The following GLIS3 variants were observed in gnomAD, a reference collection of about 807,000 sequenced individuals.
GLIS3 encodes GLIS family zinc finger 3, also known as zinc finger protein GLIS3.
Under a neutral mutation model 78.6 loss-of-function variants are expected in GLIS3, and 53 were observed. The observed-to-expected ratio is 0.67, with a 90% CI of 0.54 to 0.85. The LOEUF is 0.85. Ranked by LOEUF, GLIS3 falls within the 40% of genes least tolerant of loss-of-function variation. The probability of loss-of-function intolerance (pLI) is 0.00; values close to 1 mark genes in which losing one functional copy is unlikely to be tolerated. For synonymous variants in GLIS3, 684 were observed against 509.9 expected, an observed-to-expected ratio of 1.34 and a Z score of -4.60; for missense variants, 1,703 against 1,231.1, an observed-to-expected ratio of 1.38 and a Z score of -5.74.
At chr9:4,266,235 T>G (rs953171111) in intron 2 of GLIS3, among the ~76,000 whole-genome samples, 4 of 152,080 alleles carry the variant, frequency 2.6e-5, no homozygotes, top group Non-Finnish European at 5.9e-5. Flanking sequence ...ACCCTGCTTC[T>G]TAACTTTTTC....
At chr9:4,400,680 A>C in the GLIS3 span, among the ~76,000 whole-genome samples, 1 of 152,228 alleles carries the variant, frequency 6.6e-6, no homozygotes, top group Non-Finnish European at 1.5e-5. Context: ...GGAATGTTAA[A>C]TATACTCTTT....
At chr9:4,473,246 G>C in the GLIS3 span, among the ~76,000 whole-genome samples, 1 of 152,080 alleles carries the variant, frequency 6.6e-6, no homozygotes, top group Non-Finnish European at 1.5e-5. Context: ...GAAAGAATGA[G>C]ATCAGCCTGA....
chr9:4,156,664 A>G (rs1835061112), intron 2 of GLIS3, among the ~76,000 whole-genome samples: 1 of 152,188 alleles, frequency 6.6e-6, no homozygotes, highest in Non-Finnish European at 1.5e-5. Flanking sequence ...GTTTCACCCC[A>G]TTAAAATTTA....
chr9:4,366,368 G>A, the GLIS3 span, among the ~76,000 whole-genome samples: 2 of 152,170 alleles, frequency 1.3e-5, no homozygotes, highest in South Asian at 2.1e-4. Flanking sequence ...CCAAGGCAAC[G>A]AGTTAAAACG....
chr9:4,407,739 G>A, the GLIS3 span, among the ~76,000 whole-genome samples: 14 of 152,114 alleles, frequency 9.2e-5, no homozygotes, highest in South Asian at 2.1e-4. Context: ...CCCCGCAAGC[G>A]CAAACAAAGC....
At chr9:4,115,361 G>T (rs1831556626) in intron 4 of GLIS3, among the ~76,000 whole-genome samples, 2 of 152,166 alleles carry the variant, frequency 1.3e-5, no homozygotes, top group Non-Finnish European at 2.9e-5. Context: ...GAAGAATGTG[G>T]CCATTTTACT....
chr9:3,952,797 T>A (rs1816787109), intron 4 of GLIS3, among the ~76,000 whole-genome samples: 1 of 152,070 alleles, frequency 6.6e-6, no homozygotes. Flanking sequence ...TAAAGCAGAC[T>A]CTGATTTAGC....
chr9:4,197,516 C>T (rs967014378), intron 2 of GLIS3, among the ~76,000 whole-genome samples: 7 of 152,168 alleles, frequency 4.6e-5, no homozygotes, highest in African/African-American at 1.7e-4. Flanking sequence ...GGAGGTTTCC[C>T]AGCTCCATGC....
chr9:4,237,105 T>G (rs1197032440), intron 2 of GLIS3, among the ~76,000 whole-genome samples: 1 of 110,912 alleles, frequency 9.0e-6, no homozygotes, highest in Admixed American at 9.0e-5. Flanking sequence ...CACCAACATG[T>G]TCACTTCCTT....
At chr9:4,391,250 T>C in the GLIS3 span, among the ~76,000 whole-genome samples, 1 of 152,182 alleles carries the variant, frequency 6.6e-6, no homozygotes, top group African/African-American at 2.4e-5. Context: ...GGGGGGTACC[T>C]CACCTCCAGA....
At chr9:4,486,669 G>A in the GLIS3 span, among the ~76,000 whole-genome samples, 17 of 152,068 alleles carry the variant, frequency 1.1e-4, no homozygotes, top group Non-Finnish European at 1.8e-4. Context: ...ACCTTCAGGG[G>A]ACCAAGGGCC....
intron 2 of GLIS3, among the ~76,000 whole-genome samples, chr9:4,329,453 C>G (rs1045376158): frequency 1.3e-5 from 2 of 152,106 alleles, no homozygotes; most frequent in South Asian, 2.1e-4. Flanking sequence ...ATTTCAAATG[C>G]CTTTCATTTG....
chr9:3,827,408 TA>T lies in GLIS3; in HGVS notation c.*863del, dbSNP rs1445179354. 1 of 152,226 alleles carries T rather than the reference TA, an allele frequency of 6.6e-6. No homozygotes were observed. Among genetic ancestry groups the T allele is most frequent in the Non-Finnish European group, 1.5e-5 (1 of 68,074 alleles). The allele number at this position is 152,226 out of a possible 1,614,324, so 9.4% of individuals were successfully genotyped here. On this transcript the variant is annotated 3_prime_UTR_variant, in exon 11 of 11. Transcript: ENST00000381971. ...AACACAGTCTTTGAGGTGGAGTTAC[TA>T]AACAGTCAACTCAGGAAGGTTCCAG...
At chr9:4,479,071 T>G in the GLIS3 span, among the ~76,000 whole-genome samples, 2 of 152,174 alleles carry the variant, frequency 1.3e-5, no homozygotes, top group African/African-American at 4.8e-5. Flanking sequence ...ATATATATAT[T>G]TTTCAATGTT....
the GLIS3 span, among the ~76,000 whole-genome samples, chr9:4,432,144 C>T: frequency 3.3e-5 from 5 of 152,190 alleles, no homozygotes; most frequent in East Asian, 1.9e-4. Context: ...AAATGCATGC[C>T]TATCCCCATA....
At chr9:4,291,826 C>T (rs1274550808) in intron 1 of GLIS3, among the ~76,000 whole-genome samples, 4 of 152,160 alleles carry the variant, frequency 2.6e-5, no homozygotes, top group African/African-American at 7.2e-5. Flanking sequence ...CTCCTTTGCA[C>T]TCTTCAGTGC....
At chr9:4,487,431 A>G in the GLIS3 span, among the ~76,000 whole-genome samples, 3 of 152,322 alleles carry the variant, frequency 2.0e-5, no homozygotes, top group East Asian at 3.9e-4. Context: ...CCCATTTTAC[A>G]GATGAAGAAA....
intron 6 of GLIS3, chr9:3,901,034 C>A (rs776198972): frequency 1.3e-5 from 2 of 152,306 alleles, no homozygotes; most frequent in South Asian, 4.1e-4. Context: ...AATAATCAAT[C>A]GGCCTTGTGA....
the GLIS3 span, among the ~76,000 whole-genome samples, chr9:4,371,949 C>G: frequency 6.6e-6 from 1 of 152,190 alleles, no homozygotes; most frequent in Non-Finnish European, 1.5e-5. Flanking sequence ...GTCTGCTCAC[C>G]CCTTCTCTGG....
Sources: allele counts gnomAD v4.1 joint callset (sites outside exome capture counted in the v4.1 genomes callset), GRCh38; gene constraint gnomAD v4.1.1; transcripts MANE v1.5; gene names NCBI Gene and HGNC (gene_info 2026-07-23, HGNC 2026-07-21).